The following BCLAF3 variants were observed in gnomAD, a reference collection of about 807,000 sequenced individuals.
BCLAF3 encodes the protein BCLAF1 and THRAP3 family member 3, also known as transient octamer binding factor 1.
Under a neutral mutation model 51.2 loss-of-function variants are expected in BCLAF3, and 24 were observed. That is an observed-to-expected ratio of 0.47 (90% CI 0.34 to 0.66). The LOEUF is 0.66. BCLAF3 is among the 30% of genes least tolerant of loss of function. BCLAF3 has a pLI of 0.01. For missense variants in BCLAF3, 465 were observed against 525.1 expected (o/e 0.89, Z 1.12); for synonymous variants, 152 against 176.6 (o/e 0.86, Z 1.10).
chrX:19,954,051 G>A lies in BCLAF3; in HGVS notation c.1451-159C>T, dbSNP rs191790826. On this transcript the variant is annotated intron_variant, in intron 5 of 11. Coordinates refer to ENST00000379682, the MANE Select transcript of BCLAF3 (RefSeq NM_001367774.2). Reference sequence around the variant, plus strand: ...CTTATTTCACAGACTAATTTGTAGCGCTCACGTGCCTTCCCAAGCCCAAAC... The same window carrying A: ...CTTATTTCACAGACTAATTTGTAGCACTCACGTGCCTTCCCAAGCCCAAAC... 6.0e-5 allele frequency: 45 copies of A among 752,317 alleles called. 1 individual carries two copies. In the South Asian group the frequency reaches 2.2e-3, roughly 36 times the overall value. The allele number at this position is 752,317 out of a possible 1,213,427, so 62.0% of individuals were successfully genotyped here. A position where few individuals can be genotyped will look rare whatever the true frequency, so the allele number is the denominator to read the frequency against.
chrX:19,953,803 A>G lies in BCLAF3; in HGVS notation c.1540T>C (p.Leu514=), dbSNP rs748941911. The G allele has an allele frequency of 5.8e-6, 7 of 1,203,781 alleles. No homozygotes were observed. Among genetic ancestry groups the G allele is most frequent in the South Asian group, 5.3e-5 (3 of 56,259 alleles). The change falls in exon 6 of 12, where the codon TTG becomes CTG. Residue 514 remains leucine, a synonymous_variant. Coordinates refer to ENST00000379682, the MANE Select transcript of BCLAF3 (RefSeq NM_001367774.2). ...CTGTGTATTTCTGGATCTGAATTCAATGGAATTTCATTTACATCTGCCTTG... is the reference window on the plus strand; with the variant it reads ...CTGTGTATTTCTGGATCTGAATTCAGTGGAATTTCATTTACATCTGCCTTG... The part of the protein sequence containing the change: ...IHKADVNEIP[L]NSDPEIHRRI...
chrX:19,931,389 G>A (rs1231410931), intron 10 of BCLAF3, among the ~76,000 whole-genome samples: 1 of 111,727 alleles, frequency 9.0e-6, no homozygotes, highest in East Asian at 2.8e-4. Flanking sequence ...GAGCAGTGGT[G>A]CAAAGGTTCA....
At position 19,955,541 on chromosome X, in the gene BCLAF3, T is replaced by G; in HGVS notation, c.1300A>C (p.Arg434=). The G allele has an allele frequency of 1.7e-6, 2 of 1,198,194 alleles. No homozygotes were observed. Among genetic ancestry groups the G allele is most frequent in the Non-Finnish European group, 2.2e-6 (2 of 890,628 alleles). ...GCAACCAAATCATGTGACATCTGTCTCTCTGTGGAATAGCTAGAAGCAACC... is the reference window on the plus strand; with the variant it reads ...GCAACCAAATCATGTGACATCTGTCGCTCTGTGGAATAGCTAGAAGCAACC... ...FRVASSYSTE[R]QMSHDLVAVG... The change falls in exon 5 of 12, where the codon AGA becomes CGA. Residue 434 remains arginine (R), a synonymous_variant. Transcript: ENST00000379682.
intron 7 of BCLAF3, among the ~76,000 whole-genome samples, chrX:19,952,271 GA>G (rs1229126289): frequency 9.0e-6 from 1 of 111,401 alleles, no homozygotes; most frequent in Non-Finnish European, 1.9e-5. Flanking sequence ...TTTCACAAGT[GA>G]AAAAATTATT....
intron 11 of BCLAF3, 78 bp downstream of exon 11, chrX:19,929,707 C>G: frequency 2.0e-6 from 2 of 982,066 alleles, no homozygotes; most frequent in Non-Finnish European, 2.7e-6. Context: ...AATGAGAAAC[C>G]AATTTATCTA....
intron 2 of BCLAF3, among the ~76,000 whole-genome samples, chrX:19,968,637 C>T (rs2072143050): frequency 1.8e-5 from 2 of 112,961 alleles, no homozygotes; most frequent in East Asian, 2.8e-4. Context: ...GTAATAAAGG[C>T]CTTTGTCTCT....
chrX:19,917,241 CAAAA>C lies in BCLAF3; in HGVS notation c.*60_*63del. On this transcript the variant is annotated 3_prime_UTR_variant, in exon 12 of 12. Coordinates refer to ENST00000379682, the MANE Select transcript of BCLAF3 (RefSeq NM_001367774.2). Reference sequence around the variant, plus strand: ...CCTTAGTGTCACTTCTAACTCCTGACAAAAAGAGAGAGATGCTCCCAAACATCCT... The same window carrying C: ...CCTTAGTGTCACTTCTAACTCCTGACAGAGAGAGATGCTCCCAAACATCCT... 1 of 1,043,604 alleles carries C rather than the reference CAAAA, an allele frequency of 9.6e-7. No individual in the cohort carries two copies. The highest frequency in any genetic ancestry group is 1.3e-6 in the Non-Finnish European group (1 of 745,538). The allele number at this position is 1,043,604 out of a possible 1,213,427, so 86.0% of individuals were successfully genotyped here. A position where few individuals can be genotyped will look rare whatever the true frequency, so the allele number is the denominator to read the frequency against.
intron 4 of BCLAF3, among the ~76,000 whole-genome samples, chrX:19,956,354 G>A (rs1391834070): frequency 1.8e-5 from 2 of 111,459 alleles, no homozygotes. Flanking sequence ...CCCTCATGTG[G>A]GGGGCTTAGA....
Position 19,929,895 on chromosome X carries a change from G to C in BCLAF3, c.1996C>G (p.Leu666Val), listed in dbSNP as rs765199560. The change falls in exon 11 of 12, where the codon CTG (leucine) becomes GTG (valine). Residue 666 changes from leucine to valine, a missense_variant. Coordinates refer to ENST00000379682, the MANE Select transcript of BCLAF3 (RefSeq NM_001367774.2). Reference sequence around the variant, plus strand: ...TGAATGTACAAGCTCTTCTGTACCAGGCCTGATTTATAATTGGGCTGGCAT... The same window carrying C: ...TGAATGTACAAGCTCTTCTGTACCACGCCTGATTTATAATTGGGCTGGCAT... ...GRCQPNYKSG[L>V]VQKSLYIQAK... 3 of 1,207,275 alleles carry C rather than the reference G, an allele frequency of 2.5e-6. No homozygotes were observed. The highest frequency in any genetic ancestry group is 3.5e-5 in the African/African-American group (2 of 57,018).
At chrX:19,948,894 A>G (rs765701289) in intron 8 of BCLAF3, among the ~76,000 whole-genome samples, 8 of 111,167 alleles carry the variant, frequency 7.2e-5, no homozygotes, top group Non-Finnish European at 1.3e-4. Flanking sequence ...TGGGGCAGGG[A>G]GTGGCAGCTA....
chrX:19,966,182 T>G lies in BCLAF3; in HGVS notation c.509A>C (p.His170Pro), dbSNP rs750407416. Residue 170 changes from histidine to proline, a missense_variant, in exon 3 of 12, where the codon CAT becomes CCT. Transcript: ENST00000379682. ...CCTCTGGTGCCTCAACTCATCTTCA[T>G]GCCACTTTCCTTCAAATCTAAAAGA... is the stretch of plus-strand genomic sequence containing the variant. ...ADSFRFEGKW[H>P]EDELRHQRIQ... 1.7e-6 allele frequency: 2 copies of G among 1,209,831 alleles called. No individual in the cohort carries two copies. Among genetic ancestry groups the G allele is most frequent in the African/African-American group, 3.5e-5 (2 of 57,130 alleles).
intron 11 of BCLAF3, among the ~76,000 whole-genome samples, chrX:19,922,173 C>T (rs1323967016): frequency 3.6e-5 from 4 of 111,010 alleles, no homozygotes; most frequent in Admixed American, 1.9e-4. Context: ...GTCAGGAGTT[C>T]GAGACCTGGA....
chrX:19,967,404 G>A (rs1002198204), intron 2 of BCLAF3, among the ~76,000 whole-genome samples: 1 of 111,771 alleles, frequency 8.9e-6, no homozygotes, highest in Non-Finnish European at 1.9e-5. Flanking sequence ...AACAGAGCTT[G>A]TAACTTCGGT....
At chrX:19,962,177 T>C (rs933125099) in intron 4 of BCLAF3, among the ~76,000 whole-genome samples, 1 of 112,024 alleles carries the variant, frequency 8.9e-6, no homozygotes, top group African/African-American at 3.2e-5. Context: ...ATCATTACTT[T>C]TATTTTTTTA....
intron 8 of BCLAF3, among the ~76,000 whole-genome samples, chrX:19,941,702 G>C (rs1297884464): frequency 9.2e-6 from 1 of 108,220 alleles, no homozygotes; most frequent in Non-Finnish European, 1.9e-5. Flanking sequence ...AAGTCAGGTA[G>C]TGTGATGCCT....
At chrX:19,923,069 T>C in intron 11 of BCLAF3, 1 of 111,933 alleles carries the variant, frequency 8.9e-6, no homozygotes. Context: ...AAAAATATAA[T>C]GCAACAGTTT....
chrX:19,929,723 C>T, intron 11 of BCLAF3, 62 bp downstream of exon 11: 1 of 1,045,003 alleles, frequency 9.6e-7, no homozygotes. Context: ...ATCTAATGAA[C>T]ATAGATAATC....
intron 11 of BCLAF3, among the ~76,000 whole-genome samples, chrX:19,920,816 G>C: frequency 1.0e-5 from 1 of 97,882 alleles, no homozygotes; most frequent in South Asian, 4.9e-4. Flanking sequence ...GTGAGACCCT[G>C]TCTAAAAAAA....
chrX:19,954,105 G>A lies in BCLAF3; in HGVS notation c.1451-213C>T, dbSNP rs183224436. The A allele has an allele frequency of 4.2e-3, 3,157 of 752,287 alleles. 9 individuals are homozygous for A. The highest frequency in any genetic ancestry group is 0.012 in the Admixed American group (133 of 11,274). 62.0% of individuals were successfully genotyped at this position (752,287 alleles called of 1,213,427 possible). On this transcript the variant is annotated intron_variant, in intron 5 of 11. Coordinates refer to ENST00000379682, the MANE Select transcript of BCLAF3 (RefSeq NM_001367774.2). Reference sequence around the variant, plus strand: ...AGTAAAAACACCTGATTTATTAATCGAAGAATTTTCTTTCTATCTGACACG... The same window carrying A: ...AGTAAAAACACCTGATTTATTAATCAAAGAATTTTCTTTCTATCTGACACG...
Sources: gnomAD v4.1 joint callset for allele counts (sites outside exome capture counted in the v4.1 genomes callset) on GRCh38, gnomAD v4.1.1 for gene constraint, MANE v1.5 for transcripts, NCBI Gene and HGNC (gene_info 2026-07-23, HGNC 2026-07-21) for gene names.